MCUB: variants seen among roughly 807,000 people sequenced by gnomAD.
MCUB encodes calcium uniporter regulatory subunit MCUb, mitochondrial.
MCUB carries 46 observed loss-of-function variants against 41.4 expected under a neutral mutation model. The ratio of observed to expected loss-of-function variants is 1.11; its 90% CI spans 0.88 to 1.42. The LOEUF is 1.42. Ranked by LOEUF, MCUB falls within the 40% of genes most tolerant of loss-of-function variation. The probability of loss-of-function intolerance (pLI) is 0.00; values close to 1 mark genes in which losing one functional copy is unlikely to be tolerated. For missense variants in MCUB, 403 were observed against 404.9 expected, an observed-to-expected ratio of 1.00 and a Z score of 0.04; for synonymous variants, 148 against 148.2, an observed-to-expected ratio of 1.00 and a Z score of 0.01.
At chr4:109,663,540 A>G (rs10488886) in intron 3 of MCUB, among the ~76,000 whole-genome samples, 9,020 of 152,004 alleles carry the variant, frequency 0.059, 888 homozygotes, top group African/African-American at 0.21. Flanking sequence ...CATCACGTTC[A>G]TTATTGTCCT....
At chr4:109,665,545 A>C (rs796856178) in intron 4 of MCUB, among the ~76,000 whole-genome samples, 41 of 152,310 alleles carry the variant, frequency 2.7e-4, no homozygotes, top group African/African-American at 9.6e-4. Context: ...AATGTTTGTT[A>C]TATTTGCATT....
chr4:109,634,108 A>G (rs1728536191), intron 1 of MCUB, among the ~76,000 whole-genome samples: 1 of 152,196 alleles, frequency 6.6e-6, no homozygotes, highest in Non-Finnish European at 1.5e-5. Flanking sequence ...TAGAAAATGT[A>G]TAGTCCATAA....
At chr4:109,612,139 A>G (rs1728021397) in intron 1 of MCUB, among the ~76,000 whole-genome samples, 1 of 152,202 alleles carries the variant, frequency 6.6e-6, no homozygotes, top group African/African-American at 2.4e-5. Context: ...TCCAACATCA[A>G]GGTGCAGGAA....
At position 109,687,507 on chromosome 4, in the gene MCUB, C is replaced by T. The variant is rs751604020; in HGVS notation, c.934-8C>T. On this transcript the variant is annotated splice_polypyrimidine_tract_variant and splice_region_variant and intron_variant, in intron 7 of 7. Transcript: ENST00000394650. ...CTGATCACATGCTTTTTCTTTTTCCCATGACAGGCTAAAGAATCCCTGAAA... is the reference window on the plus strand; with the variant it reads ...CTGATCACATGCTTTTTCTTTTTCCTATGACAGGCTAAAGAATCCCTGAAA... 13 of 1,599,564 alleles carry T rather than the reference C, an allele frequency of 8.1e-6. No homozygotes were observed. In the Admixed American group the frequency reaches 2.0e-4, roughly 25 times the overall value.
At chr4:109,603,679 C>T (rs1327469003) in intron 1 of MCUB, among the ~76,000 whole-genome samples, 5 of 151,598 alleles carry the variant, frequency 3.3e-5, no homozygotes, top group East Asian at 3.9e-4. Flanking sequence ...GCCACCACCC[C>T]GTCTGGGAAC....
intron 3 of MCUB, among the ~76,000 whole-genome samples, chr4:109,662,903 C>T (rs1306294017): frequency 6.6e-6 from 1 of 151,968 alleles, no homozygotes; most frequent in Non-Finnish European, 1.5e-5. Context: ...CTAAGCTTGT[C>T]ACAGTTTTGC....
chr4:109,585,202 T>C (rs958087505), intron 1 of MCUB, among the ~76,000 whole-genome samples: 1 of 152,208 alleles, frequency 6.6e-6, no homozygotes, highest in Non-Finnish European at 1.5e-5. Flanking sequence ...CATTAGGCAA[T>C]GGCCTTCTTT....
intron 4 of MCUB, among the ~76,000 whole-genome samples, chr4:109,679,380 C>T (rs1263519650): frequency 6.6e-6 from 1 of 152,214 alleles, no homozygotes; most frequent in Non-Finnish European, 1.5e-5. Context: ...GTGAGCGAGA[C>T]TCCGTCTGCA....
intron 1 of MCUB, among the ~76,000 whole-genome samples, chr4:109,579,343 G>A (rs1343963000): frequency 2.0e-5 from 3 of 151,806 alleles, no homozygotes; most frequent in African/African-American, 7.3e-5. Context: ...TCCTGCTCCT[G>A]GGTTCAAGCG....
At chr4:109,634,687 T>C (rs900770226) in intron 1 of MCUB, among the ~76,000 whole-genome samples, 2 of 152,218 alleles carry the variant, frequency 1.3e-5, no homozygotes, top group African/African-American at 2.4e-5. Flanking sequence ...TGTTGCATTG[T>C]TACTGTATTC....
At chr4:109,637,959 T>G (rs534001165) in intron 1 of MCUB, among the ~76,000 whole-genome samples, 2 of 152,350 alleles carry the variant, frequency 1.3e-5, no homozygotes, top group South Asian at 4.1e-4. Context: ...CTCAGAGATA[T>G]TGCAGGTTTG....
chr4:109,655,480 GC>G (rs1729070770), intron 1 of MCUB, among the ~76,000 whole-genome samples: 1 of 152,102 alleles, frequency 6.6e-6, no homozygotes, highest in Non-Finnish European at 1.5e-5. Context: ...CTAGCAACCA[GC>G]CCCATCCTGA....
At chr4:109,583,576 C>T (rs1174589623) in intron 1 of MCUB, among the ~76,000 whole-genome samples, 1 of 152,172 alleles carries the variant, frequency 6.6e-6, no homozygotes, top group African/African-American at 2.4e-5. Flanking sequence ...CCTGATTGCC[C>T]TGGTCAGAAC....
intron 1 of MCUB, among the ~76,000 whole-genome samples, chr4:109,586,506 G>A (rs188767588): frequency 1.4e-4 from 21 of 152,232 alleles, no homozygotes; most frequent in African/African-American, 3.1e-4. Flanking sequence ...CTGGTGAGGC[G>A]TGTGATCCTT....
intron 1 of MCUB, among the ~76,000 whole-genome samples, chr4:109,651,475 G>A (rs910438766): frequency 2.0e-5 from 3 of 152,136 alleles, no homozygotes; most frequent in African/African-American, 7.2e-5. Context: ...GTTATTAGAA[G>A]TGCCACTGCT....
At chr4:109,680,543 A>ATTTTTTTTTTTTTTTTTTTTTTTTTTT (rs1729692421) in intron 4 of MCUB, among the ~76,000 whole-genome samples, 1 of 151,882 alleles carries the variant, frequency 6.6e-6, no homozygotes, top group African/African-American at 2.4e-5. Context: ...CTGTATGTAT[A>ATTTTTTTTTTTTTTTTTTTTTTTTTTT]TGTTTTATGT....
At chr4:109,657,389 A>T (rs553110836) in intron 1 of MCUB, among the ~76,000 whole-genome samples, 1 of 151,928 alleles carries the variant, frequency 6.6e-6, no homozygotes, top group Non-Finnish European at 1.5e-5. Context: ...ATGGACCTTC[A>T]TTTGGGTCAG....
chr4:109,635,589 C>T (rs974938071), intron 1 of MCUB, among the ~76,000 whole-genome samples: 1 of 152,144 alleles, frequency 6.6e-6, no homozygotes, highest in South Asian at 2.1e-4. Context: ...AATCAGACAC[C>T]GCCTCCTTCA....
At chr4:109,626,345 G>A (rs954018912) in intron 1 of MCUB, among the ~76,000 whole-genome samples, 6 of 152,116 alleles carry the variant, frequency 3.9e-5, no homozygotes, top group African/African-American at 1.4e-4. Context: ...GAGTGTAAAA[G>A]CCTTTATAGA....
Sources: gnomAD v4.1 joint callset for allele counts (sites outside exome capture counted in the v4.1 genomes callset) on GRCh38, gnomAD v4.1.1 for gene constraint, MANE v1.5 for transcripts, NCBI Gene and HGNC (gene_info 2026-07-23, HGNC 2026-07-21) for gene names.